PDE3A: variants seen among roughly 807,000 people sequenced by gnomAD.
PDE3A encodes the protein phosphodiesterase 3A, also known as cGMP-inhibited 3',5'-cyclic phosphodiesterase 3A.
In PDE3A, 43 loss-of-function variants were observed where a neutral mutation model predicts 98.3. The observed-to-expected ratio is 0.44, with a 90% CI of 0.34 to 0.56. PDE3A has a LOEUF of 0.56. Ranked by LOEUF, PDE3A falls within the 20% of genes least tolerant of loss-of-function variation. PDE3A has a pLI of 0.01. For missense variants in PDE3A, 1,427 were observed against 1,440.7 expected (o/e 0.99, Z 0.15); for synonymous variants, 663 against 567.9 (o/e 1.17, Z -2.38).
intron 1 of PDE3A, among the ~76,000 whole-genome samples, chr12:20,386,038 T>A (rs1330621749): frequency 1.2e-5 from 1 of 80,316 alleles, no homozygotes; most frequent in South Asian, 3.0e-4. Context: ...TAAATATATA[T>A]AAAATATATA....
At chr12:20,446,593 G>T (rs768478715) in intron 1 of PDE3A, among the ~76,000 whole-genome samples, 31 of 152,258 alleles carry the variant, frequency 2.0e-4, no homozygotes, top group Non-Finnish European at 3.4e-4. Context: ...TGATTTGTCA[G>T]TACTTTTTAG....
rs147036928 is a variant in PDE3A at position 20,668,843 on chromosome 12, G to C, written c.3185-11187G>C. ...CCTCACCAGCAACGGAACAAAGCTA[G>C]ATGGAGAATGACTTTGACGAGCTGA... On this transcript the variant is annotated intron_variant, in intron 15 of 15. Transcript: ENST00000359062. 2.3e-3 allele frequency among the ~76,000 whole-genome samples: 349 copies of C among 151,800 alleles called. 8 individuals carry two copies. In the East Asian group the frequency reaches 0.055, roughly 24 times the overall value.
intron 1 of PDE3A, among the ~76,000 whole-genome samples, chr12:20,501,774 AG>A (rs1231555172): frequency 6.6e-6 from 1 of 152,196 alleles, no homozygotes; most frequent in Non-Finnish European, 1.5e-5. Flanking sequence ...CAATCAAAAA[AG>A]GATTCTAGAT....
rs144759359 is a variant in PDE3A, at chr12:20,592,669, TC to T, written c.1012-20773del. On this transcript the variant is annotated intron_variant, in intron 2 of 15. Coordinates refer to ENST00000359062, the MANE Select transcript of PDE3A (RefSeq NM_000921.5). ...AGGGAAATTAGTGCACTGTGCCTCT[TC>T]TTTCTTCAGTACTCCTTTATGTTCA... Among the ~76,000 whole-genome samples, 56 of 152,284 alleles carry T rather than the reference TC, an allele frequency of 3.7e-4. 3 individuals are homozygous for T. The East Asian group carries it at 0.011, about 29-fold the overall frequency.
intron 6 of PDE3A, among the ~76,000 whole-genome samples, chr12:20,630,672 A>G (rs999741466): frequency 6.6e-6 from 1 of 152,198 alleles, no homozygotes; most frequent in African/African-American, 2.4e-5. Flanking sequence ...ACAAAGTGTT[A>G]TCTATCACAG....
chr12:20,454,046 C>G (rs1337380087), intron 1 of PDE3A, among the ~76,000 whole-genome samples: 1 of 152,174 alleles, frequency 6.6e-6, no homozygotes, highest in Non-Finnish European at 1.5e-5. Context: ...AGGCAATAGA[C>G]ATCAGCTATA....
At chr12:20,621,558 G>A in intron 5 of PDE3A, 147 bp downstream of exon 5, 1 of 573,608 alleles carries the variant, frequency 1.7e-6, no homozygotes, top group Non-Finnish European at 3.1e-6. Context: ...TTATTTTTTA[G>A]AAGTCTCAAT....
chr12:20,572,004 C>A, intron 2 of PDE3A: 4 of 1,107,206 alleles, frequency 3.6e-6, no homozygotes, highest in Non-Finnish European at 2.2e-6. Context: ...TATGGTGTGG[C>A]CTTGCTTTTA....
At chr12:20,581,802 C>T (rs1395471507) in intron 2 of PDE3A, among the ~76,000 whole-genome samples, 1 of 151,538 alleles carries the variant, frequency 6.6e-6, no homozygotes, top group Non-Finnish European at 1.5e-5. Context: ...TTAGTAGAGA[C>T]GGGGTTTCAC....
intron 1 of PDE3A, among the ~76,000 whole-genome samples, chr12:20,397,466 T>G (rs1944039423): frequency 6.6e-6 from 1 of 152,084 alleles, no homozygotes; most frequent in Admixed American, 6.6e-5. Flanking sequence ...ATCTCAAAAC[T>G]GAGTTTGTTT....
chr12:20,541,990 C>T (rs992249017), intron 1 of PDE3A, among the ~76,000 whole-genome samples: 3 of 152,052 alleles, frequency 2.0e-5, no homozygotes, highest in African/African-American at 7.2e-5. Context: ...CACAAATCGG[C>T]TTTAGAGGAC....
chr12:20,492,789 G>T lies in PDE3A; in HGVS notation c.961-63871G>T, dbSNP rs181231153. Reference sequence around the variant, plus strand: ...ACACTCACTGATGGTTACTGTCATGGGCTGAATCCTAACAAGATCCATGGA... The same window carrying T: ...ACACTCACTGATGGTTACTGTCATGTGCTGAATCCTAACAAGATCCATGGA... On this transcript the variant is annotated intron_variant, in intron 1 of 15. Coordinates refer to ENST00000359062, the MANE Select transcript of PDE3A (RefSeq NM_000921.5). 8.7e-4 allele frequency among the ~76,000 whole-genome samples: 133 copies of T among 152,140 alleles called. 1 individual carries two copies. The highest frequency in any genetic ancestry group is 1.6e-3 in the Non-Finnish European group (110 of 68,006).
intron 2 of PDE3A, among the ~76,000 whole-genome samples, chr12:20,589,634 C>T (rs541402488): frequency 2.6e-5 from 4 of 151,756 alleles, no homozygotes; most frequent in African/African-American, 9.7e-5. Context: ...TTTGGGAGGC[C>T]GAGGCGGGCA....
At chr12:20,594,882 G>A (rs1230982675) in intron 2 of PDE3A, among the ~76,000 whole-genome samples, 1 of 151,688 alleles carries the variant, frequency 6.6e-6, no homozygotes. Context: ...AACTAAAACT[G>A]TTCTCCTAAA....
At chr12:20,414,198 G>A (rs1944382087) in intron 1 of PDE3A, among the ~76,000 whole-genome samples, 2 of 152,080 alleles carry the variant, frequency 1.3e-5, no homozygotes, top group South Asian at 2.1e-4. Flanking sequence ...ACCGATTTTG[G>A]AATCATCCCT....
chr12:20,557,591 TG>T (rs1555160847), intron 2 of PDE3A, among the ~76,000 whole-genome samples: 1 of 152,202 alleles, frequency 6.6e-6, no homozygotes, highest in Non-Finnish European at 1.5e-5. Context: ...CATTGGAAAG[TG>T]GGGGCTTCTC....
At chr12:20,647,688 A>C (rs1372799256) in intron 12 of PDE3A, among the ~76,000 whole-genome samples, 1 of 152,008 alleles carries the variant, frequency 6.6e-6, no homozygotes, top group Non-Finnish European at 1.5e-5. Context: ...CTTCTATCCC[A>C]TTGCTGTTCA....
chr12:20,492,376 T>C (rs944540490), intron 1 of PDE3A, among the ~76,000 whole-genome samples: 3 of 146,170 alleles, frequency 2.1e-5, no homozygotes, highest in Non-Finnish European at 4.5e-5. Flanking sequence ...GCACAGCCTC[T>C]GGAGCCACAG....
chr12:20,414,784 A>G (rs138635779), intron 1 of PDE3A, among the ~76,000 whole-genome samples: 3 of 152,218 alleles, frequency 2.0e-5, no homozygotes, highest in African/African-American at 4.8e-5. Context: ...CATAACAATT[A>G]TATTGAATTA....
Sources: allele counts gnomAD v4.1 joint callset (sites outside exome capture counted in the v4.1 genomes callset), GRCh38; gene constraint gnomAD v4.1.1; transcripts MANE v1.5; gene names NCBI Gene and HGNC (gene_info 2026-07-23, HGNC 2026-07-21).